SORCS2: variants seen among roughly 807,000 people sequenced by gnomAD.
SORCS2 encodes VPS10 domain-containing receptor SorCS2.
In SORCS2, 100 loss-of-function variants were observed where a neutral mutation model predicts 141.6. That is an observed-to-expected ratio of 0.71 (90% CI 0.60 to 0.83). The LOEUF (loss-of-function observed/expected upper bound fraction) is 0.83. Among genes scored for constraint, SORCS2 ranks in the 40% least tolerant of loss-of-function variants. The pLI, the probability that SORCS2 is intolerant of heterozygous loss-of-function variation, is 0.00. For missense variants in SORCS2, 1,646 were observed against 1,560.2 expected (o/e 1.05, Z -0.93); for synonymous variants, 789 against 676.9 (o/e 1.17, Z -2.57).
chr4:7,542,677 T>C (rs929831817), intron 3 of SORCS2, among the ~76,000 whole-genome samples: 1 of 152,252 alleles, frequency 6.6e-6, no homozygotes, highest in Non-Finnish European at 1.5e-5. Context: ...GGCACCAGTG[T>C]GTGACACTTT....
At chr4:7,432,079 G>T (rs563575576) in intron 2 of SORCS2, 1 of 152,586 alleles carries the variant, frequency 6.6e-6, no homozygotes, top group South Asian at 2.1e-4. Context: ...TGTCTTAGGG[G>T]GGCCAAACAG....
At chr4:7,373,218 G>A (rs1722372924) in intron 1 of SORCS2, among the ~76,000 whole-genome samples, 1 of 151,230 alleles carries the variant, frequency 6.6e-6, no homozygotes, top group African/African-American at 2.4e-5. Context: ...TGAGAGTTCT[G>A]GTTGCTCCAC....
At chr4:7,308,360 C>T (rs1717969591) in intron 1 of SORCS2, among the ~76,000 whole-genome samples, 1 of 152,172 alleles carries the variant, frequency 6.6e-6, no homozygotes, top group Admixed American at 6.5e-5. Context: ...GCAGCTTCTC[C>T]TCTGGTCACC....
chr4:7,301,628 C>T lies in SORCS2; in HGVS notation c.481-94660C>T, dbSNP rs116493351. 7.0e-3 allele frequency among the ~76,000 whole-genome samples: 1,069 copies of T among 152,330 alleles called. 11 individuals carry two copies. The highest frequency in any genetic ancestry group is 0.024 in the African/African-American group (985 of 41,574). ...TTGGCGCCTGCTGCCAGCTGGAAGC[C>T]GGGCGGCCCAAACCCTCTGTGTTCC... On this transcript the variant is annotated intron_variant, in intron 1 of 26. Coordinates refer to ENST00000507866, the MANE Select transcript of SORCS2 (RefSeq NM_020777.3).
chr4:7,638,347 C>T lies in SORCS2; in HGVS notation c.668C>T (p.Ser223Leu). The stretch of plus-strand genomic sequence containing the variant: ...TTTCAGGTCATCCTTGTCAGCTCCT[C>T]ACTCAGTGACCGGGACCAGAGCCTA... ...NKRKVILVSS[S>L]LSDRDQSLFL... Residue 223 changes from serine to leucine, a missense_variant, in exon 4 of 27, where the codon TCA becomes TTA. By Grantham distance (145) the Ser-to-Leu change is moderately radical. Coordinates refer to ENST00000507866, the MANE Select transcript of SORCS2 (RefSeq NM_020777.3). 1.3e-6 allele frequency: 2 copies of T among 1,514,312 alleles called. No individual in the cohort carries two copies. Among genetic ancestry groups the T allele is most frequent in the Middle Eastern group, 1.8e-4 (1 of 5,606 alleles). 93.8% of individuals were successfully genotyped at this position (1,514,312 alleles called of 1,614,324 possible).
intron 1 of SORCS2, among the ~76,000 whole-genome samples, chr4:7,207,040 G>A (rs1205521071): frequency 2.6e-5 from 4 of 151,972 alleles, no homozygotes; most frequent in Admixed American, 6.5e-5. Context: ...AACCAGCCCC[G>A]CACCTAGCAT....
rs188072341 is a variant in SORCS2, at chr4:7,410,063, A to G, written c.548+13708A>G. 4.9e-4 allele frequency among the ~76,000 whole-genome samples: 75 copies of G among 152,382 alleles called. 1 individual carries two copies. Among genetic ancestry groups the G allele is most frequent in the Admixed American group, 4.0e-3 (61 of 15,308 alleles). ...TCAAAGTCCTTCTCTGCAGAGGCCA[A>G]TGATGGCCCTGGGGGACATCCCCAT... On this transcript the variant is annotated intron_variant, in intron 2 of 26. Coordinates refer to ENST00000507866, the MANE Select transcript of SORCS2 (RefSeq NM_020777.3).
At chr4:7,519,164 G>A (rs995459318) in intron 2 of SORCS2, among the ~76,000 whole-genome samples, 1 of 152,202 alleles carries the variant, frequency 6.6e-6, no homozygotes, top group Non-Finnish European at 1.5e-5. Flanking sequence ...CATGCCGAGG[G>A]GAGCACCGGC....
intron 2 of SORCS2, among the ~76,000 whole-genome samples, chr4:7,497,758 G>A (rs2109419583): frequency 6.6e-6 from 1 of 152,374 alleles, no homozygotes; most frequent in African/African-American, 2.4e-5. Flanking sequence ...AAGGGTGAGT[G>A]AGTTGCCCAA....
intron 1 of SORCS2, among the ~76,000 whole-genome samples, chr4:7,263,771 A>G (rs1201481394): frequency 1.3e-5 from 2 of 152,040 alleles, no homozygotes; most frequent in Admixed American, 6.5e-5. Context: ...GTGGACACCC[A>G]CCTCATGGTG....
chr4:7,308,838 C>T (rs558654189), intron 1 of SORCS2, among the ~76,000 whole-genome samples: 1 of 152,258 alleles, frequency 6.6e-6, no homozygotes, highest in South Asian at 2.1e-4. Context: ...TCTGCTCTTC[C>T]TTGTGCCTCC....
At chr4:7,203,753 A>G (rs1577271308) in intron 1 of SORCS2, among the ~76,000 whole-genome samples, 1 of 152,296 alleles carries the variant, frequency 6.6e-6, no homozygotes, top group Admixed American at 6.5e-5. Flanking sequence ...AGCTGTGACC[A>G]CCATTCTTCT....
chr4:7,391,389 C>T (rs759533934), intron 1 of SORCS2, among the ~76,000 whole-genome samples: 16 of 152,180 alleles, frequency 1.1e-4, no homozygotes, highest in African/African-American at 2.2e-4. Flanking sequence ...AGCTTTGAGA[C>T]GTAGCCCAGG....
At chr4:7,694,560 G>A (rs765287444) in intron 11 of SORCS2, among the ~76,000 whole-genome samples, 9 of 152,194 alleles carry the variant, frequency 5.9e-5, no homozygotes, top group Non-Finnish European at 1.2e-4. Flanking sequence ...GTGTGCTGAC[G>A]CGGCAACACT....
chr4:7,355,248 T>G (rs1221818652), intron 1 of SORCS2, among the ~76,000 whole-genome samples: 1 of 152,112 alleles, frequency 6.6e-6, no homozygotes, highest in Non-Finnish European at 1.5e-5. Flanking sequence ...CTTCTCTGTC[T>G]GATTTTAGCC....
At chr4:7,303,448 T>A (rs1291517275) in intron 1 of SORCS2, among the ~76,000 whole-genome samples, 1 of 152,214 alleles carries the variant, frequency 6.6e-6, no homozygotes, top group South Asian at 2.1e-4. Flanking sequence ...ATGCCCCTTT[T>A]TAGTTCTTGA....
intron 2 of SORCS2, among the ~76,000 whole-genome samples, chr4:7,495,152 C>G (rs1731535886): frequency 2.0e-5 from 3 of 152,242 alleles, no homozygotes; most frequent in African/African-American, 7.2e-5. Flanking sequence ...GTGTGGCCAT[C>G]ACTGCAGCCT....
intron 2 of SORCS2, among the ~76,000 whole-genome samples, chr4:7,513,777 C>T (rs62280191): frequency 0.043 from 6,502 of 152,248 alleles, 147 homozygotes; most frequent in Non-Finnish European, 0.057. Context: ...AATTTTCAAG[C>T]GCTTAAAGGC....
At chr4:7,617,201 C>G (rs16840673) in intron 3 of SORCS2, among the ~76,000 whole-genome samples, 4,303 of 152,234 alleles carry the variant, frequency 0.028, 111 homozygotes, top group African/African-American at 0.066. Context: ...ATTTATCTAT[C>G]CATTGGTTAT....
Sources: allele counts gnomAD v4.1 joint callset (sites outside exome capture counted in the v4.1 genomes callset), GRCh38; gene constraint gnomAD v4.1.1; transcripts MANE v1.5; gene names NCBI Gene and HGNC (gene_info 2026-07-23, HGNC 2026-07-21).